Variants in MRPS6 observed in about 807,000 individuals in gnomAD.
The protein encoded by MRPS6 is mitochondrial ribosomal protein S6, also known as small ribosomal subunit protein bS6m.
In MRPS6, 6 loss-of-function variants were observed where a neutral mutation model predicts 13.1. The observed-to-expected ratio is 0.46, with a 90% CI of 0.25 to 0.91. The LOEUF (loss-of-function observed/expected upper bound fraction) is 0.91. Ranked by LOEUF, MRPS6 falls within the 40% of genes least tolerant of loss-of-function variation. MRPS6 has a pLI of 0.18. For synonymous variants in MRPS6, 61 were observed against 56.5 expected (o/e 1.08, Z -0.36); for missense variants, 164 against 155.6 (o/e 1.05, Z -0.29).
chr21:34,116,318 G>GTT (rs543766044), intron 1 of MRPS6, among the ~76,000 whole-genome samples: 40 of 129,184 alleles, frequency 3.1e-4, no homozygotes, highest in South Asian at 1.8e-3. Flanking sequence ...AATCATCCAT[G>GTT]TTTTTTTTTT....
At chr21:34,119,948 C>A (rs1296615381) in intron 1 of MRPS6, among the ~76,000 whole-genome samples, 5 of 152,134 alleles carry the variant, frequency 3.3e-5, no homozygotes, top group Non-Finnish European at 7.4e-5. Context: ...ACTACAGCAA[C>A]TTTTCCCATT....
intron 1 of MRPS6, among the ~76,000 whole-genome samples, chr21:34,074,441 G>A (rs1462874806): frequency 6.6e-6 from 1 of 152,236 alleles, no homozygotes; most frequent in Non-Finnish European, 1.5e-5. Flanking sequence ...GCCTCCAGAA[G>A]ACACTTTCTT....
chr21:34,103,251 C>T lies in MRPS6; in HGVS notation c.46-22090C>T, dbSNP rs905063505. The stretch of plus-strand genomic sequence containing the variant: ...TTGACTCTGCTAGTTTGCACCTTTC[C>T]GTTCTTAACAGAAAATTTGTATTTG... On this transcript the variant is annotated intron_variant, in intron 1 of 2. Coordinates refer to ENST00000399312, the MANE Select transcript of MRPS6 (RefSeq NM_032476.4). 27 of 998,176 alleles carry T rather than the reference C, an allele frequency of 2.7e-5. No homozygotes were observed. The Admixed American group carries it at 3.7e-4, about 14-fold the overall frequency. 61.8% of individuals were successfully genotyped at this position (998,176 alleles called of 1,614,324 possible).
intron 1 of MRPS6, among the ~76,000 whole-genome samples, chr21:34,113,100 G>A (rs1979768584): frequency 1.3e-5 from 2 of 152,170 alleles, no homozygotes; most frequent in Admixed American, 6.5e-5. Context: ...AAATGTTGAC[G>A]AGGATATGGA....
Position 34,078,564 on chromosome 21 carries a change from G to C in MRPS6, c.45+4819G>C, listed in dbSNP as rs79730062. On this transcript the variant is annotated intron_variant, in intron 1 of 2. Transcript: ENST00000399312. ...ATCTAGGTTATATCTAGTATTATAT[G>C]CAGACTATTGAATCTTCTAACCTTT... Among the ~76,000 whole-genome samples, 631 of 152,142 alleles carry C rather than the reference G, an allele frequency of 4.1e-3. 7 individuals are homozygous for C. The highest frequency in any genetic ancestry group is 0.015 in the African/African-American group (603 of 41,486).
intron 1 of MRPS6, chr21:34,102,095 C>T (rs1049575443): frequency 1.0e-6 from 1 of 999,908 alleles, no homozygotes; most frequent in Non-Finnish European, 1.2e-6. Flanking sequence ...CTTAGGGCTG[C>T]AAATCTTTTT....
Position 34,131,330 on chromosome 21 carries a change from T to C in MRPS6, c.185+5850T>C, listed in dbSNP as rs553415678. On this transcript the variant is annotated intron_variant, in intron 2 of 2. Transcript: ENST00000399312. ...TGGCTGGGGAAGAAGCAGACACTGA[T>C]AGCTCATTGTGGTTGTGGAGTCCTC... Among the ~76,000 whole-genome samples, 3 of 152,338 alleles carry C rather than the reference T, an allele frequency of 2.0e-5. No homozygotes were observed. The East Asian group carries it at 5.8e-4, about 29-fold the overall frequency.
At chr21:34,081,955 C>G (rs753938351) in intron 1 of MRPS6, among the ~76,000 whole-genome samples, 1 of 151,858 alleles carries the variant, frequency 6.6e-6, no homozygotes, top group East Asian at 1.9e-4. Flanking sequence ...TACTCTGCTC[C>G]CATCTATTAT....
chr21:34,105,577 A>T, intron 1 of MRPS6: 1 of 1,000,062 alleles, frequency 1.0e-6, no homozygotes, highest in Non-Finnish European at 1.2e-6. Flanking sequence ...GATTTTTTGT[A>T]AGAGACCAGT....
At chr21:34,108,090 TGTAAC>T (rs1182033993) in intron 1 of MRPS6, among the ~76,000 whole-genome samples, 1 of 152,198 alleles carries the variant, frequency 6.6e-6, no homozygotes, top group Non-Finnish European at 1.5e-5. Context: ...CTAGTGATCT[TGTAAC>T]GTACCGTAAC....
rs377516071 is a variant in MRPS6, at chr21:34,142,553, G to A, written c.331G>A (p.Val111Ile). 1 of 1,607,668 alleles carries A rather than the reference G, an allele frequency of 6.2e-7. No individual in the cohort carries two copies. Among genetic ancestry groups the A allele is most frequent in the Non-Finnish European group, 8.5e-7 (1 of 1,178,366 alleles). ...AAAAGAATGTGAAGGGATTGTCCCA[G>A]TCCCACTCGCAGAAAAATTATATTC... is the stretch of plus-strand genomic sequence containing the variant. ...ELKECEGIVP[V>I]PLAEKLYSTK... Residue 111 changes from valine to isoleucine, a missense_variant, in exon 3 of 3, where the codon GTC becomes ATC. Val to Ile is a conservative substitution (Grantham distance 29). Transcript: ENST00000399312.
chr21:34,104,488 C>A (rs966170230), intron 1 of MRPS6: 1 of 997,114 alleles, frequency 1.0e-6, no homozygotes, highest in African/African-American at 1.8e-5. Flanking sequence ...TACCTTTGTT[C>A]CTACTCTTTT....
At chr21:34,120,021 C>A (rs1030470048) in intron 1 of MRPS6, among the ~76,000 whole-genome samples, 1 of 152,110 alleles carries the variant, frequency 6.6e-6, no homozygotes, top group East Asian at 1.9e-4. Flanking sequence ...TACGGGGGAC[C>A]CTTTTAGAAG....
intron 1 of MRPS6, among the ~76,000 whole-genome samples, chr21:34,084,074 T>TA (rs1253735621): frequency 6.6e-6 from 1 of 152,240 alleles, no homozygotes; most frequent in Non-Finnish European, 1.5e-5. Flanking sequence ...GCGTAATTTC[T>TA]ACCAGTCCCT....
chr21:34,099,613 T>TC (rs1979140522), intron 1 of MRPS6: 1 of 999,362 alleles, frequency 1.0e-6, no homozygotes, highest in Non-Finnish European at 1.2e-6. Context: ...ATTTTTTTTT[T>TC]CTCCCTTTAT....
At chr21:34,129,451 C>G (rs772692831) in intron 2 of MRPS6, among the ~76,000 whole-genome samples, 1 of 152,202 alleles carries the variant, frequency 6.6e-6, no homozygotes, top group Non-Finnish European at 1.5e-5. Context: ...TATAAGAACT[C>G]TTAAGTAGAA....
intron 2 of MRPS6, among the ~76,000 whole-genome samples, chr21:34,141,449 A>G (rs1277221990): frequency 2.0e-5 from 3 of 152,270 alleles, no homozygotes; most frequent in East Asian, 1.9e-4. Context: ...GAGATGAGCT[A>G]TGTGGAAGTT....
At chr21:34,105,108 T>C (rs1269140234) in intron 1 of MRPS6, 11 of 1,000,132 alleles carry the variant, frequency 1.1e-5, no homozygotes, top group African/African-American at 1.7e-5. Flanking sequence ...AATAATGCCA[T>C]ACTCCATTAG....
chr21:34,141,445 A>G (rs1980903462), intron 2 of MRPS6, among the ~76,000 whole-genome samples: 1 of 152,118 alleles, frequency 6.6e-6, no homozygotes, highest in South Asian at 2.1e-4. Flanking sequence ...GCAAGAGATG[A>G]GCTATGTGGA....
Sources: gnomAD v4.1 joint callset for allele counts (sites outside exome capture counted in the v4.1 genomes callset) on GRCh38, gnomAD v4.1.1 for gene constraint, MANE v1.5 for transcripts, NCBI Gene and HGNC (gene_info 2026-07-23, HGNC 2026-07-21) for gene names.